DAGLA: variants seen among roughly 807,000 people sequenced by gnomAD.
The protein encoded by DAGLA is diacylglycerol lipase-alpha.
Under a neutral mutation model 102.6 loss-of-function variants are expected in DAGLA, and 22 were observed. The observed-to-expected ratio is 0.21, with a 90% CI of 0.15 to 0.31. The LOEUF (loss-of-function observed/expected upper bound fraction) is 0.31, where lower values mean the gene tolerates loss of function less well. DAGLA is among the 10% of genes least tolerant of loss of function. The pLI is 1.00. For synonymous variants in DAGLA, 578 were observed against 628.9 expected (o/e 0.92, Z 1.21); for missense variants, 927 against 1,446.6 (o/e 0.64, Z 5.83).
chr11:61,739,571 A>G lies in DAGLA; in HGVS notation c.1763A>G (p.Asp588Gly). 3 of 1,613,556 alleles carry G rather than the reference A, an allele frequency of 1.9e-6. No homozygotes were observed. The highest frequency in any genetic ancestry group is 2.5e-6 in the Non-Finnish European group (3 of 1,179,860). The change falls in exon 17 of 20, where the codon GAC becomes GGC. Residue 588 changes from aspartate to glycine, a missense_variant. Transcript: ENST00000257215. ...ASTRLWTHPS[D>G]LTIALSASTP... is the part of the protein sequence containing the mutation. Reference sequence around the variant, plus strand: ...ACGCGGCTCTGGACCCACCCCAGCGACCTAACTATAGCCCTCTCAGCCAGC... The same window carrying G: ...ACGCGGCTCTGGACCCACCCCAGCGGCCTAACTATAGCCCTCTCAGCCAGC...
In DAGLA at chr11:61,744,215, C is replaced by T. The variant is rs1591057945; in HGVS notation, c.2855C>T (p.Ser952Phe). 6.2e-7 allele frequency: 1 copy of T among 1,613,020 alleles called. No homozygotes were observed. The highest frequency in any genetic ancestry group is 8.5e-7 in the Non-Finnish European group (1 of 1,179,972). The change falls in exon 20 of 20, where the codon TCC becomes TTC. Residue 952 changes from serine (S) to phenylalanine (F), a missense_variant. Coordinates refer to ENST00000257215, the MANE Select transcript of DAGLA (RefSeq NM_006133.3). ...AGTGACTACGCTGAGGGCCCCAAGT[C>T]CCCCAGCCAGCAAGAGATCCTGCTC... ...PTSDYAEGPK[S>F]PSQQEILLRA...
chr11:61,716,597 C>T (rs921958576), intron 1 of DAGLA, among the ~76,000 whole-genome samples: 1 of 152,050 alleles, frequency 6.6e-6, no homozygotes, highest in African/African-American at 2.4e-5. Context: ...GCACCAGGAT[C>T]GCTTTCTGCT....
chr11:61,728,497 C>A (rs2065349710), intron 7 of DAGLA, among the ~76,000 whole-genome samples: 1 of 152,198 alleles, frequency 6.6e-6, no homozygotes, highest in Admixed American at 6.5e-5. Flanking sequence ...GACTACTACT[C>A]TAGGGACTTT....
chr11:61,706,512 T>C (rs1306722464), intron 1 of DAGLA, among the ~76,000 whole-genome samples: 1 of 151,908 alleles, frequency 6.6e-6, no homozygotes, highest in African/African-American at 2.4e-5. Context: ...TGGTTGGGGG[T>C]GGGCTCTAAC....
intron 12 of DAGLA, 88 bp from the exon 13 acceptor site, chr11:61,736,182 G>T: frequency 9.0e-7 from 1 of 1,117,160 alleles, no homozygotes; most frequent in Non-Finnish European, 1.4e-6. Flanking sequence ...AATGGATGGG[G>T]CAGGGTTCCT....
At chr11:61,691,486 A>G (rs530848482) in intron 1 of DAGLA, among the ~76,000 whole-genome samples, 1 of 152,282 alleles carries the variant, frequency 6.6e-6, no homozygotes, top group South Asian at 2.1e-4. Flanking sequence ...CCGAGTTCCC[A>G]CTTCCTGCCT....
intron 5 of DAGLA, among the ~76,000 whole-genome samples, chr11:61,724,584 C>A (rs1020721937): frequency 6.6e-6 from 1 of 152,202 alleles, no homozygotes; most frequent in Non-Finnish European, 1.5e-5. Context: ...TCTCACCGTC[C>A]CACCCTCCTG....
Position 61,734,707 on chromosome 11 carries a change from G to T in DAGLA, c.975-142G>T. 1 of 719,570 alleles carries T rather than the reference G, an allele frequency of 1.4e-6. No homozygotes were observed. The highest frequency in any genetic ancestry group is 2.3e-6 in the Non-Finnish European group (1 of 433,278). The allele number at this position is 719,570 out of a possible 1,614,324, so 44.6% of individuals were successfully genotyped here. On this transcript the variant is annotated intron_variant, in intron 9 of 19. Transcript: ENST00000257215. This position sits in a 1 kb window ranked among gnomAD's most constrained non-coding sequence, Gnocchi z 4.2. ...GGCCAGTGGATTTGGTGACGTGGGG[G>T]TCACTAGGACTTAGCAAGGGCAATT... is the stretch of plus-strand genomic sequence containing the variant.
intron 1 of DAGLA, among the ~76,000 whole-genome samples, chr11:61,699,880 A>T (rs1281186669): frequency 6.6e-6 from 1 of 151,582 alleles, no homozygotes; most frequent in South Asian, 2.1e-4. Flanking sequence ...TGCTGCTCAC[A>T]CCTGGCTGAC....
At chr11:61,711,960 C>CTGCT (rs2065197729) in intron 1 of DAGLA, among the ~76,000 whole-genome samples, 1 of 152,204 alleles carries the variant, frequency 6.6e-6, no homozygotes, top group African/African-American at 2.4e-5. Flanking sequence ...TTTTTGTGAA[C>CTGCT]TGCTTGTTAA....
intron 1 of DAGLA, among the ~76,000 whole-genome samples, chr11:61,691,109 T>C (rs370736113): frequency 1.3e-5 from 2 of 152,252 alleles, no homozygotes; most frequent in South Asian, 2.1e-4. Context: ...AGCAGCTGCC[T>C]GCTCCATTTC....
At chr11:61,700,129 C>T (rs2065098155) in intron 1 of DAGLA, among the ~76,000 whole-genome samples, 3 of 152,210 alleles carry the variant, frequency 2.0e-5, no homozygotes, top group Non-Finnish European at 4.4e-5. Flanking sequence ...CAGCAGCAGC[C>T]GGACTGTCAG....
At chr11:61,682,315 C>A (rs2064949645) in intron 1 of DAGLA, among the ~76,000 whole-genome samples, 1 of 152,104 alleles carries the variant, frequency 6.6e-6, no homozygotes, top group Non-Finnish European at 1.5e-5. Context: ...GAGACCAGGG[C>A]TGGAGGCAGG....
chr11:61,730,795 C>T (rs1463699234), intron 8 of DAGLA, among the ~76,000 whole-genome samples: 1 of 152,176 alleles, frequency 6.6e-6, no homozygotes, highest in Admixed American at 6.5e-5. Context: ...TTGAAGGCTC[C>T]CAATATTTGC....
intron 8 of DAGLA, 150 bp from the exon 9 acceptor site, chr11:61,731,167 A>G: frequency 1.2e-6 from 1 of 809,154 alleles, no homozygotes; most frequent in East Asian, 2.7e-5. Context: ...TCCTTCCTCC[A>G]AGGCCTGGGC....
rs1005442244 is a variant in DAGLA, at chr11:61,737,598, C to A, written c.1515-89C>A. 1.3e-5 allele frequency: 17 copies of A among 1,293,446 alleles called. No homozygotes were observed. The Middle Eastern group carries it at 1.5e-3, about 113-fold the overall frequency. The allele number at this position is 1,293,446 out of a possible 1,614,324, so 80.1% of individuals were successfully genotyped here. On this transcript the variant is annotated intron_variant, in intron 14 of 19. Transcript: ENST00000257215. ...GGGAGCCATCCCAGGAGTGCAGGAGCAGGGCTTGCTTGTGGCTGGGCCCCC... is the reference window on the plus strand; with the variant it reads ...GGGAGCCATCCCAGGAGTGCAGGAGAAGGGCTTGCTTGTGGCTGGGCCCCC...
chr11:61,704,824 C>T (rs1329452832), intron 1 of DAGLA, among the ~76,000 whole-genome samples: 2 of 152,146 alleles, frequency 1.3e-5, no homozygotes, highest in Admixed American at 6.5e-5. Context: ...AGCTCCTCTG[C>T]GTAGTCCTAT....
Position 61,746,848 on chromosome 11 carries a change from C to T in DAGLA, c.*2359C>T, listed in dbSNP as rs2065545438. ...ATGCACTCTCTTACGTGCCATTCTC[C>T]CCAGACTTTTTTTGTACTTAATGTA... On this transcript the variant is annotated 3_prime_UTR_variant, in exon 20 of 20. Coordinates refer to ENST00000257215, the MANE Select transcript of DAGLA (RefSeq NM_006133.3). 1.3e-5 allele frequency: 2 copies of T among 152,600 alleles called. No individual in the cohort carries two copies. Among genetic ancestry groups the T allele is most frequent in the African/African-American group, 4.8e-5 (2 of 41,450 alleles). 9.5% of individuals were successfully genotyped at this position (152,600 alleles called of 1,614,324 possible).
In DAGLA at chr11:61,731,452, CT is replaced by C. The variant is rs774550191; in HGVS notation, c.974+12del. 9 of 1,612,700 alleles carry C rather than the reference CT, an allele frequency of 5.6e-6. No individual in the cohort carries two copies. Among genetic ancestry groups the C allele is most frequent in the African/African-American group, 4.0e-5 (3 of 75,072 alleles). ...GGCTCGGTCCTGCTCGTGAGTACCCCTGTCCCATCCCCCAGCGATTGCACCT... is the reference window on the plus strand; with the variant it reads ...GGCTCGGTCCTGCTCGTGAGTACCCCGTCCCATCCCCCAGCGATTGCACCT... On this transcript the variant is annotated intron_variant, in intron 9 of 19. Coordinates refer to ENST00000257215, the MANE Select transcript of DAGLA (RefSeq NM_006133.3).
Sources: gnomAD v4.1 joint callset for allele counts (sites outside exome capture counted in the v4.1 genomes callset) on GRCh38, gnomAD v4.1.1 for gene constraint, Gnocchi (gnomAD v3.1) non-coding constraint, MANE v1.5 for transcripts, NCBI Gene and HGNC (gene_info 2026-07-23, HGNC 2026-07-21) for gene names.